ERC2: variants seen among roughly 807,000 people sequenced by gnomAD.
ERC2 encodes the protein ERC protein 2.
In ERC2, 42 loss-of-function variants were observed where a neutral mutation model predicts 114.8. The ratio of observed to expected loss-of-function variants is 0.37; its 90% CI spans 0.29 to 0.47. ERC2 has a LOEUF of 0.47. Among genes scored for constraint, ERC2 ranks in the 20% least tolerant of loss-of-function variants. The pLI is 0.99. For missense variants in ERC2, 939 were observed against 1,150.7 expected, an observed-to-expected ratio of 0.82 and a Z score of 2.66; for synonymous variants, 454 against 425.5, an observed-to-expected ratio of 1.07 and a Z score of -0.82.
intron 4 of ERC2, among the ~76,000 whole-genome samples, chr3:56,160,274 CT>C (rs2081977774): frequency 6.6e-6 from 1 of 152,094 alleles, no homozygotes; most frequent in Non-Finnish European, 1.5e-5. Context: ...TGCATGTCTT[CT>C]TTCGAGAAGT....
intron 12 of ERC2, among the ~76,000 whole-genome samples, chr3:55,966,311 A>G (rs987364089): frequency 2.0e-5 from 3 of 152,134 alleles, no homozygotes; most frequent in African/African-American, 7.2e-5. Context: ...CTGGGTACCC[A>G]CAGTTTTTCA....
intron 14 of ERC2, among the ~76,000 whole-genome samples, chr3:55,792,521 T>C (rs2070124839): frequency 1.3e-5 from 2 of 152,198 alleles, no homozygotes; most frequent in Admixed American, 6.5e-5. Context: ...CTGTGCTCAG[T>C]TCACAATAGG....
At chr3:56,268,166 T>C (rs1379824573) in intron 3 of ERC2, among the ~76,000 whole-genome samples, 2 of 152,200 alleles carry the variant, frequency 1.3e-5, no homozygotes, top group Non-Finnish European at 2.9e-5. Context: ...GGACGTTTTC[T>C]ATGTTTAGAA....
intron 3 of ERC2, among the ~76,000 whole-genome samples, chr3:56,232,970 A>C (rs914566760): frequency 2.0e-5 from 3 of 152,208 alleles, no homozygotes; most frequent in African/African-American, 4.8e-5. Context: ...AACCCTCCTG[A>C]ACACCCCTTC....
chr3:56,010,270 TGAAG>T (rs2072813319), intron 9 of ERC2, among the ~76,000 whole-genome samples, 175 bp downstream of exon 9: 1 of 148,560 alleles, frequency 6.7e-6, no homozygotes, highest in Admixed American at 6.6e-5. Context: ...GCATCACAGA[TGAAG>T]GAAGTTACAA....
intron 6 of ERC2, among the ~76,000 whole-genome samples, chr3:56,092,720 C>T (rs773889897): frequency 5.3e-5 from 8 of 152,116 alleles, no homozygotes; most frequent in Non-Finnish European, 1.2e-4. Context: ...AACCAATTTG[C>T]AAAGCTATCA....
Position 55,992,250 on chromosome 3 carries a change from C to A in ERC2, c.2062G>T (p.Ala688Ser). The A allele has an allele frequency of 6.2e-7, 1 of 1,610,406 alleles. No homozygotes were observed. The highest frequency in any genetic ancestry group is 1.7e-4 in the Middle Eastern group (1 of 6,030). The stretch of plus-strand genomic sequence containing the variant: ...CTGGAGTCATCTTCAATATTATGTG[C>A]CTTCAACATTACATTTTTAAAGAAT... Reference protein sequence around the residue: ...CSKLEAQLKKAHNIEDDSRMN... With the variant: ...CSKLEAQLKKSHNIEDDSRMN... The change falls in exon 11 of 18, where the codon GCA (alanine) becomes TCA (serine). Residue 688 changes from alanine to serine, a missense_variant and splice_region_variant. Physicochemically the swap from Ala to Ser is moderately conservative, Grantham distance 99. This residue lies in a region of ERC2 where 328 missense variants were observed against 353.9 expected (regional missense o/e 0.93). Transcript: ENST00000288221.
chr3:56,438,028 C>T (rs1471301179), intron 1 of ERC2, among the ~76,000 whole-genome samples: 1 of 152,196 alleles, frequency 6.6e-6, no homozygotes. Context: ...TTTTTATTTG[C>T]ATACTCTAAA....
intron 1 of ERC2, among the ~76,000 whole-genome samples, chr3:56,453,008 G>T (rs1403517554): frequency 1.3e-5 from 2 of 151,892 alleles, no homozygotes; most frequent in Admixed American, 1.3e-4. Flanking sequence ...TCTTGCAATG[G>T]GTCTAAAAAA....
chr3:55,936,397 C>A (rs1291115914), intron 13 of ERC2, among the ~76,000 whole-genome samples: 1 of 152,110 alleles, frequency 6.6e-6, no homozygotes, highest in Non-Finnish European at 1.5e-5. Flanking sequence ...GGATGATGGA[C>A]AAAGTGCCTA....
chr3:55,699,381 G>C lies in ERC2; in HGVS notation c.2844C>G (p.Asp948Glu). Residue 948 changes from aspartate (D) to glutamate (E), a missense_variant, in exon 16 of 18, where the codon GAC (aspartate) becomes GAG (glutamate). By Grantham distance (45) the Asp-to-Glu change is conservative. Around this residue, in one of 5 missense-constraint regions of ERC2, gnomAD observed 328 missense variants for 353.9 expected, o/e 0.93. Transcript: ENST00000288221. ...SQHSNHRPSP[D>E]QDDEEGIWA ...GGTAAGCAGCGATGAAACTGACCTG[G>C]TCCGGAGAGGGCCTGTGATTGGAAT... 4 of 1,613,758 alleles carry C rather than the reference G, an allele frequency of 2.5e-6. No homozygotes were observed. The highest frequency in any genetic ancestry group is 3.4e-6 in the Non-Finnish European group (4 of 1,179,792).
intron 17 of ERC2, among the ~76,000 whole-genome samples, chr3:55,641,228 G>A (rs1004984494): frequency 6.6e-6 from 1 of 152,138 alleles, no homozygotes; most frequent in African/African-American, 2.4e-5. Context: ...CATACCTGAA[G>A]TCATTATACC....
At chr3:56,006,251 A>G (rs1325728107) in intron 10 of ERC2, among the ~76,000 whole-genome samples, 5 of 152,074 alleles carry the variant, frequency 3.3e-5, no homozygotes, top group Non-Finnish European at 7.4e-5. Context: ...ATTAAATTTT[A>G]AGATATCTAG....
At chr3:55,941,428 C>T (rs1030559403) in intron 13 of ERC2, among the ~76,000 whole-genome samples, 1 of 152,196 alleles carries the variant, frequency 6.6e-6, no homozygotes, top group Non-Finnish European at 1.5e-5. Context: ...TTAGAGTCAA[C>T]AGCCCTCCAA....
intron 17 of ERC2, among the ~76,000 whole-genome samples, chr3:55,592,770 G>A (rs1450284676): frequency 6.6e-6 from 1 of 152,120 alleles, no homozygotes; most frequent in Non-Finnish European, 1.5e-5. Context: ...AATCACAGCA[G>A]CTCTAGGTAG....
At chr3:56,195,591 G>A (rs577336300) in intron 3 of ERC2, among the ~76,000 whole-genome samples, 97 of 151,904 alleles carry the variant, frequency 6.4e-4, no homozygotes, top group African/African-American at 2.3e-3. Flanking sequence ...GCACTTTGGG[G>A]AGTAGAGGTG....
chr3:55,881,389 C>T (rs1036520541), intron 14 of ERC2, among the ~76,000 whole-genome samples: 20 of 152,044 alleles, frequency 1.3e-4, no homozygotes, highest in African/African-American at 4.1e-4. Context: ...TGCACCATAT[C>T]GTCAGATGAG....
chr3:55,775,137 C>G (rs185309222), intron 14 of ERC2, among the ~76,000 whole-genome samples: 1 of 152,326 alleles, frequency 6.6e-6, no homozygotes, highest in African/African-American at 2.4e-5. Context: ...AGCTTTCCAA[C>G]TACCCAACTT....
intron 6 of ERC2, among the ~76,000 whole-genome samples, chr3:56,124,368 T>A (rs886921631): frequency 1.3e-5 from 2 of 152,180 alleles, no homozygotes; most frequent in Non-Finnish European, 2.9e-5. Context: ...CTTACAGAAG[T>A]ATAACACCCA....
Sources: allele counts gnomAD v4.1 joint callset (sites outside exome capture counted in the v4.1 genomes callset), GRCh38; gene constraint gnomAD v4.1.1; regional missense constraint gnomAD v4.1.1; transcripts MANE v1.5; gene names NCBI Gene and HGNC (gene_info 2026-07-23, HGNC 2026-07-21).